The following MCF2 variants were observed in gnomAD, a reference collection of about 807,000 sequenced individuals.
MCF2 encodes the protein proto-oncogene DBL.
Under a neutral mutation model 82.5 loss-of-function variants are expected in MCF2, and 44 were observed. The observed-to-expected ratio is 0.53, with a 90% CI of 0.42 to 0.69. The LOEUF is 0.69. Among genes scored for constraint, MCF2 ranks in the 30% least tolerant of loss-of-function variants. The pLI is 0.00. For missense variants in MCF2, 623 were observed against 663.1 expected, an observed-to-expected ratio of 0.94 and a Z score of 0.66; for synonymous variants, 217 against 224.9, an observed-to-expected ratio of 0.96 and a Z score of 0.32.
Position 139,628,354 on chromosome X carries a change from T to C in MCF2, c.438+1341A>G, listed in dbSNP as rs762156042. The stretch of plus-strand genomic sequence containing the variant: ...TGGATGCAGCTGTAGGCCATTATCC[T>C]AAGCAAATTAATGCAAGAACAGGAA... On this transcript the variant is annotated intron_variant, in intron 4 of 24. Coordinates refer to ENST00000370576, the Ensembl canonical transcript of MCF2. 5.4e-5 allele frequency among the ~76,000 whole-genome samples: 6 copies of C among 112,042 alleles called. No homozygotes were observed. In the East Asian group the frequency reaches 1.7e-3, roughly 32 times the overall value.
At chrX:139,632,476 G>A (rs1221026898) in intron 1 of MCF2, 22 bp from the exon 5 acceptor site, 5 of 1,177,345 alleles carry the variant, frequency 4.2e-6, no homozygotes, top group Admixed American at 4.8e-5. Context: ...AAGAACAAAA[G>A]AAATTGGAAA....
intron 12 of MCF2, among the ~76,000 whole-genome samples, chrX:139,606,639 G>A (rs5953991): frequency 1.1e-4 from 12 of 111,830 alleles, no homozygotes; most frequent in African/African-American, 1.9e-4. Flanking sequence ...GATTGCAGGC[G>A]TGAATAACCA....
intron 19 of MCF2, among the ~76,000 whole-genome samples, chrX:139,593,743 G>A (rs1339450343): frequency 5.4e-5 from 6 of 110,924 alleles, no homozygotes; most frequent in Admixed American, 9.7e-5. Context: ...TACGCAAATC[G>A]ATAAATGTAA....
intron 19 of MCF2, among the ~76,000 whole-genome samples, chrX:139,591,274 A>G (rs1480444872): frequency 1.8e-5 from 2 of 111,517 alleles, no homozygotes; most frequent in Non-Finnish European, 3.8e-5. Context: ...ACTAAATAGC[A>G]TGGAGTAAAT....
chrX:139,636,605 T>G (rs149222285), intron 1 of MCF2, among the ~76,000 whole-genome samples: 5,319 of 111,126 alleles, frequency 0.048, 135 homozygotes, highest in South Asian at 0.097. Context: ...ATGTAGCAAC[T>G]CTCTGCCTGA....
intron 24 of MCF2, among the ~76,000 whole-genome samples, chrX:139,584,637 A>G (rs961623849): frequency 1.8e-5 from 2 of 112,058 alleles, no homozygotes; most frequent in Non-Finnish European, 3.8e-5. Context: ...ACTAAAATAT[A>G]TCCCCCAGAT....
Position 139,607,675 on chromosome X carries a change from A to T in MCF2, c.1490+16T>A. 1 of 1,127,134 alleles carries T rather than the reference A, an allele frequency of 8.9e-7. No individual in the cohort carries two copies. Among genetic ancestry groups the T allele is most frequent in the Non-Finnish European group, 1.2e-6 (1 of 821,798 alleles). 92.9% of individuals were successfully genotyped at this position (1,127,134 alleles called of 1,213,427 possible). A position where few individuals can be genotyped will look rare whatever the true frequency, so the allele number is the denominator to read the frequency against. On this transcript the variant is annotated intron_variant, in intron 12 of 24. Coordinates refer to ENST00000370576, the Ensembl canonical transcript of MCF2. ...TTAGATGTGTATGTGAGTTTATATT[A>T]ATAAATAAAGGATACTTCTTTAAAA...
intron 15 of MCF2, among the ~76,000 whole-genome samples, chrX:139,604,135 T>C (rs6635895): frequency 0.016 from 1,794 of 111,178 alleles, 32 homozygotes; most frequent in African/African-American, 0.055. Context: ...TAACCATACT[T>C]GGGACACAGA....
rs1452379465 is a variant in MCF2, at chrX:139,588,762, C to CTAA, written c.2371-327_2371-325dup. Among the ~76,000 whole-genome samples the CTAA allele has an allele frequency of 4.3e-3, 431 of 100,522 alleles. 3 individuals carry two copies. The highest frequency in any genetic ancestry group is 0.013 in the African/African-American group (376 of 27,896). The allele number at this position is 100,522 out of a possible 115,157, so 87.3% of individuals were successfully genotyped here. ...CCCATCTCTACTACTACTACTACTA[C>CTAA]TAATAATAATAATAATAATTAGCCA... is the stretch of plus-strand genomic sequence containing the variant. On this transcript the variant is annotated intron_variant, in intron 20 of 24. Transcript: ENST00000370576.
At chrX:139,616,543 G>C (rs928424712) in intron 8 of MCF2, 70 bp from the exon 12 acceptor site, 2 of 639,212 alleles carry the variant, frequency 3.1e-6, no homozygotes, top group Non-Finnish European at 4.5e-6. Context: ...TGTCCAATAA[G>C]TGAGTGGTTC....
chrX:139,626,055 A>C (rs1932750554), intron 6 of MCF2, 138 bp downstream of exon 9: 1 of 351,612 alleles, frequency 2.8e-6, no homozygotes, highest in Non-Finnish European at 5.0e-6. Flanking sequence ...AGTCTAAGCC[A>C]AGGTTCATTT....
chrX:139,661,827 A>G (rs1934364450), intron 1 of MCF2, among the ~76,000 whole-genome samples: 3 of 111,998 alleles, frequency 2.7e-5, no homozygotes, highest in African/African-American at 9.7e-5. Context: ...TTTATAACCG[A>G]CATATATATG....
chrX:139,608,042 T>A (rs1330359939), intron 11 of MCF2, among the ~76,000 whole-genome samples: 1 of 112,126 alleles, frequency 8.9e-6, no homozygotes, highest in East Asian at 2.8e-4. Context: ...GAAAATAAGG[T>A]TGATTCATAA....
intron 1 of MCF2, among the ~76,000 whole-genome samples, chrX:139,680,925 A>G (rs1290625701): frequency 8.9e-6 from 1 of 112,636 alleles, no homozygotes; most frequent in Non-Finnish European, 1.9e-5. Flanking sequence ...GAATATGTTA[A>G]TGAAGAAAGT....
intron 1 of MCF2, among the ~76,000 whole-genome samples, chrX:139,676,797 A>C: frequency 1.8e-5 from 2 of 112,446 alleles, no homozygotes; most frequent in East Asian, 5.6e-4. Flanking sequence ...GGTTTCATGT[A>C]AAAGTTAGCA....
chrX:139,664,993 G>A (rs987166683), intron 1 of MCF2, among the ~76,000 whole-genome samples: 26 of 111,293 alleles, frequency 2.3e-4, no homozygotes, highest in African/African-American at 8.2e-4. Flanking sequence ...CTGGAATGGG[G>A]GCCTCATGAC....
At position 139,687,909 on chromosome X, in the gene MCF2, T is replaced by A. The variant is rs902316198; in HGVS notation, c.-45+20197A>T. 4.5e-5 allele frequency among the ~76,000 whole-genome samples: 5 copies of A among 111,860 alleles called. No homozygotes were observed. In the East Asian group the frequency reaches 1.4e-3, roughly 31 times the overall value. On this transcript the variant is annotated intron_variant, in intron 1 of 27. Transcript: ENST00000414978. ...CTCATATACATTAGTTGAGGTAGAT[T>A]CCCCACAGGCCTACTCATGGTCTAT...
chrX:139,683,681 G>T (rs903089656), intron 1 of MCF2, among the ~76,000 whole-genome samples: 2 of 112,052 alleles, frequency 1.8e-5, no homozygotes, highest in African/African-American at 6.5e-5. Context: ...TCTTTGTACC[G>T]AAGGTTAATT....
chrX:139,649,765 T>C (rs776931641), intron 2 of MCF2, among the ~76,000 whole-genome samples: 2 of 111,757 alleles, frequency 1.8e-5, no homozygotes, highest in African/African-American at 6.5e-5. Context: ...TTAAAACAAA[T>C]ACAAAAAGCA....
Sources: gnomAD v4.1 joint callset for allele counts (sites outside exome capture counted in the v4.1 genomes callset) on GRCh38, gnomAD v4.1.1 for gene constraint, MANE v1.5 for transcripts, NCBI Gene and HGNC (gene_info 2026-07-23, HGNC 2026-07-21) for gene names.